The following CDK4 variants were observed in gnomAD, a reference collection of about 807,000 sequenced individuals.
CDK4 encodes the protein cyclin-dependent kinase 4.
Under a neutral mutation model 36.7 loss-of-function variants are expected in CDK4, and 13 were observed. That is an observed-to-expected ratio of 0.35 (90% CI 0.23 to 0.56). The LOEUF (loss-of-function observed/expected upper bound fraction) is 0.56, where lower values mean the gene tolerates loss of function less well. Among genes scored for constraint, CDK4 ranks in the 20% least tolerant of loss-of-function variants. The probability of loss-of-function intolerance (pLI) is 0.85; values close to 1 mark genes in which losing one functional copy is unlikely to be tolerated. For missense variants in CDK4, 285 were observed against 387.3 expected, an observed-to-expected ratio of 0.74 and a Z score of 2.22; for synonymous variants, 158 against 146.4, an observed-to-expected ratio of 1.08 and a Z score of -0.57.
In CDK4 at chr12:57,751,286, A is replaced by G. The variant is rs1955234390; in HGVS notation, c.275T>C (p.Val92Ala). 6.2e-7 allele frequency: 1 copy of G among 1,613,912 alleles called. No individual in the cohort carries two copies. Among genetic ancestry groups the G allele is most frequent in the Non-Finnish European group, 8.5e-7 (1 of 1,180,014 alleles). Residue 92 changes from valine to alanine, a missense_variant, in exon 3 of 8, where the codon GTG becomes GCG. Val to Ala is a moderately conservative substitution (Grantham distance 64). Coordinates refer to ENST00000257904, the MANE Select transcript of CDK4 (RefSeq NM_000075.4). This position sits in a 1 kb window ranked among gnomAD's most constrained non-coding sequence, Gnocchi z 4.5. ...TAGGTCCTGGTCTACATGCTCAAAC[A>G]CCAGGGTTACCTTGATCTCCCGGTC... is the stretch of plus-strand genomic sequence containing the variant. ...RTDREIKVTL[V>A]FEHVDQDLRT...
At position 57,749,237 on chromosome 12, in the gene CDK4, C is replaced by T. The variant is rs144657355; in HGVS notation, c.764G>A (p.Arg255His). The part of the protein sequence containing the change: ...PRGAFPPRGP[R>H]PVQSVVPEME... Reference sequence around the variant, plus strand: ...CTCAGGTACCACCGACTGCACTGGGCGGGGCCCTCTGGGGGGAAAGGCTCC... The same window carrying T: ...CTCAGGTACCACCGACTGCACTGGGTGGGGCCCTCTGGGGGGAAAGGCTCC... Residue 255 changes from arginine to histidine, a missense_variant, in exon 7 of 8, where the codon CGC becomes CAC. Coordinates refer to ENST00000257904, the MANE Select transcript of CDK4 (RefSeq NM_000075.4). 9.4e-5 allele frequency: 152 copies of T among 1,614,038 alleles called. No homozygotes were observed. In the African/African-American group the frequency reaches 9.9e-4, roughly 10 times the overall value.
In CDK4 at chr12:57,751,893, C is replaced by A; in HGVS notation, c.-19-157G>T. 1.5e-6 allele frequency: 1 copy of A among 653,656 alleles called. No homozygotes were observed. The highest frequency in any genetic ancestry group is 2.7e-6 in the Non-Finnish European group (1 of 368,814). 40.5% of individuals were successfully genotyped at this position (653,656 alleles called of 1,614,324 possible). On this transcript the variant is annotated intron_variant, in intron 1 of 7. Transcript: ENST00000257904. The surrounding 1 kb of genome is among the most constrained non-coding windows in gnomAD (Gnocchi z 4.5). ...TCCTTGGGGCCGGCCCCAGAGATAA[C>A]ACAATGACTCAATACCAACCCCTCC...
rs1955234575 is a variant in CDK4, at chr12:57,751,302, T to C, written c.259A>G (p.Ile87Val). ...VCATSRTDRE[I>V]KVTLVFEHVD... ...TGCTCAAACACCAGGGTTACCTTGA[T>C]CTCCCGGTCAGTTCGGGATGTGGCA... Residue 87 changes from isoleucine (I) to valine (V), a missense_variant, in exon 3 of 8, where the codon ATC (isoleucine) becomes GTC (valine). Transcript: ENST00000257904. This position sits in a 1 kb window ranked among gnomAD's most constrained non-coding sequence, Gnocchi z 4.5. 1 of 1,614,054 alleles carries C rather than the reference T, an allele frequency of 6.2e-7. No individual in the cohort carries two copies. Among genetic ancestry groups the C allele is most frequent in the African/African-American group, 1.3e-5 (1 of 74,938 alleles).
At chr12:57,750,333 G>C (rs961599919) in intron 5 of CDK4, 1 of 368,998 alleles carries the variant, frequency 2.7e-6, no homozygotes, top group African/African-American at 2.1e-5. Flanking sequence ...TGGGAGGTAG[G>C]GGTGGGAGGA....
rs563692823 is a variant in CDK4, at chr12:57,750,985, C to G, written c.460G>C (p.Val154Leu). Residue 154 changes from valine (V) to leucine (L), a missense_variant, in exon 4 of 8, where the codon GTC (valine) becomes CTC (leucine). Val to Leu is a conservative substitution (Grantham distance 32, BLOSUM62 1). Coordinates refer to ENST00000257904, the MANE Select transcript of CDK4 (RefSeq NM_000075.4). ...ENILVTSGGT[V>L]KLADFGLARI... The stretch of plus-strand genomic sequence containing the variant: ...GCCAGGCCAAAGTCAGCCAGCTTGA[C>G]TGTTCCACCACTTGTCACCAGAATG... The G allele has an allele frequency of 3.3e-5, 53 of 1,614,078 alleles. No homozygotes were observed. The highest frequency in any genetic ancestry group is 4.3e-5 in the Non-Finnish European group (51 of 1,180,040).
chr12:57,749,056 T>G, intron 7 of CDK4, 126 bp downstream of exon 7: 1 of 1,214,860 alleles, frequency 8.2e-7, no homozygotes, highest in Non-Finnish European at 1.2e-6. Flanking sequence ...TTTGCAGCTG[T>G]AATAAAAACT....
chr12:57,752,092 T>C, intron 1 of CDK4, 83 bp downstream of exon 1: 1 of 351,390 alleles, frequency 2.8e-6, no homozygotes, highest in Non-Finnish European at 5.4e-6. Context: ...GACCCTTCCA[T>C]AACCAGCTCG....
chr12:57,748,664 C>T, intron 7 of CDK4, 47 bp from the exon 8 acceptor site: 1 of 1,268,992 alleles, frequency 7.9e-7, no homozygotes, highest in Non-Finnish European at 1.2e-6. Context: ...AAACAGACTT[C>T]TGCCCACCCA....
chr12:57,748,285 T>C lies in CDK4; in HGVS notation c.*240A>G. On this transcript the variant is annotated 3_prime_UTR_variant, in exon 8 of 8. Transcript: ENST00000257904. ...TTCCTGTATAAAAAAGGACCCCAAA[T>C]ATAAAGGTAGGGAAAGGGACAAGAG... The C allele has an allele frequency of 2.3e-6, 1 of 426,764 alleles. No homozygotes were observed. Among genetic ancestry groups the C allele is most frequent in the East Asian group, 3.7e-5 (1 of 26,958 alleles). 26.4% of individuals were successfully genotyped at this position (426,764 alleles called of 1,614,324 possible).
chr12:57,750,860 G>A (rs2140386107), intron 4 of CDK4, 63 bp downstream of exon 4: 4 of 1,603,548 alleles, frequency 2.5e-6, no homozygotes, highest in Non-Finnish European at 3.4e-6. Context: ...CTTCTCAATT[G>A]CTACGGGCAA....
intron 5 of CDK4, 53 bp from the exon 6 acceptor site, chr12:57,749,557 G>A (rs2140384165): frequency 2.0e-6 from 3 of 1,534,192 alleles, no homozygotes; most frequent in Non-Finnish European, 2.7e-6. Flanking sequence ...TATCTTAGTT[G>A]AATGGTTACT....
chr12:57,751,353 T>C lies in CDK4; in HGVS notation c.219-11A>G, dbSNP rs766364815. On this transcript the variant is annotated splice_polypyrimidine_tract_variant and intron_variant, in intron 2 of 7. Coordinates refer to ENST00000257904, the MANE Select transcript of CDK4 (RefSeq NM_000075.4). The surrounding 1 kb of genome is among the most constrained non-coding windows in gnomAD (Gnocchi z 4.5). ...CAGACGTCCATCAGCCTGACCAGAG[T>C]AAATGCTCACTTTTCAATCCCCTTT... is the stretch of plus-strand genomic sequence containing the variant. The C allele has an allele frequency of 6.2e-7, 1 of 1,613,938 alleles. No individual in the cohort carries two copies. The highest frequency in any genetic ancestry group is 8.5e-7 in the Non-Finnish European group (1 of 1,180,000).
At position 57,751,193 on chromosome 12, in the gene CDK4, C is replaced by T. The variant is rs749424893; in HGVS notation, c.354+14G>A. ...GTCCCAATCCACCTCTCAATGCCTACCAACCCCACTCACCTTGATCGTTTC... is the reference window on the plus strand; with the variant it reads ...GTCCCAATCCACCTCTCAATGCCTATCAACCCCACTCACCTTGATCGTTTC... On this transcript the variant is annotated intron_variant, in intron 3 of 7. Coordinates refer to ENST00000257904, the MANE Select transcript of CDK4 (RefSeq NM_000075.4). The surrounding 1 kb of genome is among the most constrained non-coding windows in gnomAD (Gnocchi z 4.5). 1.2e-6 allele frequency: 2 copies of T among 1,614,084 alleles called. No individual in the cohort carries two copies. Among genetic ancestry groups the T allele is most frequent in the African/African-American group, 2.7e-5 (2 of 74,934 alleles).
chr12:57,751,166 A>C lies in CDK4; in HGVS notation c.354+41T>G, dbSNP rs2140387051. The C allele has an allele frequency of 6.2e-7, 1 of 1,614,112 alleles. No individual in the cohort carries two copies. Among genetic ancestry groups the C allele is most frequent in the South Asian group, 1.1e-5 (1 of 91,062 alleles). On this transcript the variant is annotated intron_variant, in intron 3 of 7. Coordinates refer to ENST00000257904, the MANE Select transcript of CDK4 (RefSeq NM_000075.4). The surrounding 1 kb of genome is among the most constrained non-coding windows in gnomAD (Gnocchi z 4.5). ...GAAATCCCAGAAGGTTCTACTACAA[A>C]GGTCCCAATCCACCTCTCAATGCCT...
In CDK4 at chr12:57,749,512, G is replaced by T. The variant is rs536249985; in HGVS notation, c.633-8C>A. The T allele has an allele frequency of 6.2e-7, 1 of 1,613,872 alleles. No homozygotes were observed. Among genetic ancestry groups the T allele is most frequent in the Middle Eastern group, 1.6e-4 (1 of 6,062 alleles). On this transcript the variant is annotated splice_polypyrimidine_tract_variant and splice_region_variant and intron_variant, in intron 5 of 7. Coordinates refer to ENST00000257904, the MANE Select transcript of CDK4 (RefSeq NM_000075.4). ...TTTCCACAGAAGAGAGGCCTAAGGT[G>T]AGAAGGGATATAAGGTAGCAGTCAT...
Position 57,748,506 on chromosome 12 carries a change from A to G in CDK4, c.*19T>C, listed in dbSNP as rs1172367214. ...GGAAATGGCAGCTTTTCTTCCTTCC[A>G]TGGCAGCCACTCCATTGCTCACTCC... On this transcript the variant is annotated 3_prime_UTR_variant, in exon 8 of 8. Transcript: ENST00000257904. The G allele has an allele frequency of 1.4e-5, 22 of 1,576,868 alleles. No homozygotes were observed. Among genetic ancestry groups the G allele is most frequent in the Non-Finnish European group, 1.4e-5 (16 of 1,146,396 alleles).
In CDK4 at chr12:57,751,210, G is replaced by A. The variant is rs1335815616; in HGVS notation, c.351C>T (p.Ile117=). The A allele has an allele frequency of 6.2e-7, 1 of 1,614,138 alleles. No homozygotes were observed. The highest frequency in any genetic ancestry group is 8.5e-7 in the Non-Finnish European group (1 of 1,180,022). Residue 117 remains isoleucine (I), a synonymous_variant, in exon 3 of 8, where the codon ATC becomes ATT. Transcript: ENST00000257904. The surrounding 1 kb of genome is among the most constrained non-coding windows in gnomAD (Gnocchi z 4.5). ...APPPGLPAET[I]KDLMRQFLRG... is the part of the protein sequence containing the mutation. ...AATGCCTACCAACCCCACTCACCTT[G>A]ATCGTTTCGGCTGGCAAGCCTGGTG... is the stretch of plus-strand genomic sequence containing the variant.
rs201254541 is a variant in CDK4 at position 57,751,815 on chromosome 12, C to CA, written c.-19-80dup. 813 of 1,019,562 alleles carry CA rather than the reference C, an allele frequency of 8.0e-4. No homozygotes were observed. Among genetic ancestry groups the CA allele is most frequent in the Admixed American group, 2.1e-3 (96 of 46,450 alleles). 63.2% of individuals were successfully genotyped at this position (1,019,562 alleles called of 1,614,324 possible). ...GAGCCTGCAGCAACAAAGGGACTCC[C>CA]AAAAAAAAAGCGCAAAGAACACCAC... On this transcript the variant is annotated intron_variant, in intron 1 of 7. Coordinates refer to ENST00000257904, the MANE Select transcript of CDK4 (RefSeq NM_000075.4). This position sits in a 1 kb window ranked among gnomAD's most constrained non-coding sequence, Gnocchi z 4.5.
Position 57,750,930 on chromosome 12 carries a change from G to T in CDK4, c.515C>A (p.Thr172Lys). ...TACCATCTTTCTACTGACCACGGGTGTAAGTGCCATCTGGTAGCTGTAGAT... is the reference window on the plus strand; with the variant it reads ...TACCATCTTTCTACTGACCACGGGTTTAAGTGCCATCTGGTAGCTGTAGAT... Reference protein sequence around the residue: ...ARIYSYQMALTPVVVTLWYRA... With the variant: ...ARIYSYQMALKPVVVTLWYRA... Residue 172 changes from threonine to lysine, a missense_variant, in exon 4 of 8, where the codon ACA becomes AAA. Transcript: ENST00000257904. The T allele has an allele frequency of 6.2e-7, 1 of 1,614,180 alleles. No homozygotes were observed. Among genetic ancestry groups the T allele is most frequent in the Middle Eastern group, 1.6e-4 (1 of 6,062 alleles).
Sources: gnomAD v4.1 joint callset for allele counts on GRCh38, gnomAD v4.1.1 for gene constraint, Gnocchi (gnomAD v3.1) non-coding constraint, MANE v1.5 for transcripts, NCBI Gene and HGNC (gene_info 2026-07-23, HGNC 2026-07-21) for gene names.